Variants in PEAK1 observed in about 807,000 individuals in gnomAD.
The protein encoded by PEAK1 is pseudopodium enriched atypical kinase 1.
In PEAK1, 54 loss-of-function variants were observed where a neutral mutation model predicts 124.7. The ratio of observed to expected loss-of-function variants is 0.43; its 90% CI spans 0.35 to 0.54. The LOEUF (loss-of-function observed/expected upper bound fraction) is 0.54. Ranked by LOEUF, PEAK1 falls within the 20% of genes least tolerant of loss-of-function variation. The probability of loss-of-function intolerance (pLI) is 0.01; values close to 1 mark genes in which losing one functional copy is unlikely to be tolerated. For missense variants in PEAK1, 2,046 were observed against 2,134.5 expected (o/e 0.96, Z 0.82); for synonymous variants, 719 against 760.0 (o/e 0.95, Z 0.89).
In PEAK1 at chr15:77,384,669, TTAAG is replaced by T. The variant is rs138900426; in HGVS notation, c.-665-19448_-665-19445del. Among the ~76,000 whole-genome samples, 682 of 152,344 alleles carry T rather than the reference TTAAG, an allele frequency of 4.5e-3. 5 individuals carry two copies. The highest frequency in any genetic ancestry group is 0.016 in the African/African-American group (653 of 41,576). Reference sequence around the variant, plus strand: ...TTATATAAACCTTATTGACACCTTTTTAAGTTAGTATTCAAATTTGCCAGAAGTT... The same window carrying T: ...TTATATAAACCTTATTGACACCTTTTTTAGTATTCAAATTTGCCAGAAGTT... On this transcript the variant is annotated intron_variant, in intron 1 of 9. Coordinates refer to ENST00000682557, the MANE Select transcript of PEAK1 (RefSeq NM_001385026.1).
intron 2 of PEAK1, among the ~76,000 whole-genome samples, chr15:77,313,682 G>GTATATA (rs1567244747): frequency 2.1e-4 from 25 of 118,654 alleles, no homozygotes; most frequent in African/African-American, 9.6e-4. Flanking sequence ...GTGTGTGTGT[G>GTATATA]TGTGTGTGTG....
intron 2 of PEAK1, among the ~76,000 whole-genome samples, chr15:77,360,379 A>G (rs934149432): frequency 1.3e-5 from 2 of 152,226 alleles, no homozygotes; most frequent in African/African-American, 4.8e-5. Flanking sequence ...AAATAAGTAA[A>G]TAAATACTTT....
chr15:77,307,797 C>T (rs925653970), intron 2 of PEAK1, among the ~76,000 whole-genome samples: 1 of 152,052 alleles, frequency 6.6e-6, no homozygotes, highest in Non-Finnish European at 1.5e-5. Flanking sequence ...AGTCCAAGTA[C>T]TGGAAAAGAG....
At chr15:77,160,205 C>T (rs537329036) in intron 7 of PEAK1, among the ~76,000 whole-genome samples, 5 of 152,206 alleles carry the variant, frequency 3.3e-5, no homozygotes, top group South Asian at 2.1e-4. Context: ...TCTATCTCCA[C>T]GCATTAGGGA....
At chr15:77,384,051 A>G (rs1044872003) in intron 1 of PEAK1, among the ~76,000 whole-genome samples, 2 of 152,210 alleles carry the variant, frequency 1.3e-5, no homozygotes, top group Non-Finnish European at 2.9e-5. Context: ...TAAAAATGTA[A>G]GTGAATTCAA....
At chr15:77,158,408 G>T in intron 8 of PEAK1, 95 bp downstream of exon 8, 1 of 1,172,356 alleles carries the variant, frequency 8.5e-7, no homozygotes, top group Non-Finnish European at 1.2e-6. Flanking sequence ...CTGCTTCATG[G>T]AGCAATAAAA....
At chr15:77,228,353 G>A (rs1156891244) in intron 6 of PEAK1, among the ~76,000 whole-genome samples, 2 of 152,084 alleles carry the variant, frequency 1.3e-5, no homozygotes, top group African/African-American at 4.8e-5. Context: ...CCTGTTCTGG[G>A]TCCCTATGGG....
chr15:77,314,190 T>G (rs957149117), intron 2 of PEAK1, among the ~76,000 whole-genome samples: 24 of 152,156 alleles, frequency 1.6e-4, no homozygotes, highest in Non-Finnish European at 3.1e-4. Context: ...ATCATTGTAT[T>G]CTTTAAGAAC....
chr15:77,419,558 G>C (rs2073191124), intron 1 of PEAK1: 1 of 985,164 alleles, frequency 1.0e-6, no homozygotes, highest in Non-Finnish European at 1.2e-6. Flanking sequence ...GTGCGGGAGC[G>C]GGCTGACCGT....
chr15:77,253,158 A>G (rs1162188249), intron 5 of PEAK1, among the ~76,000 whole-genome samples: 2 of 150,178 alleles, frequency 1.3e-5, no homozygotes, highest in East Asian at 3.9e-4. Flanking sequence ...GTTATTGTAT[A>G]CTATATACAA....
chr15:77,180,941 C>T lies in PEAK1; in HGVS notation c.986G>A (p.Gly329Glu). Reference sequence around the variant, plus strand: ...CACCATGCTCTGAATGCTTCCTTGTCCATAAGAGACCACAGAATTTTCCTC... The same window carrying T: ...CACCATGCTCTGAATGCTTCCTTGTTCATAAGAGACCACAGAATTTTCCTC... ...GYEENSVVSY[G>E]QGSIQSMVSS... The change falls in exon 7 of 10, where the codon GGA (glycine) becomes GAA (glutamate). Residue 329 changes from glycine to glutamate, a missense_variant. Coordinates refer to ENST00000682557, the MANE Select transcript of PEAK1 (RefSeq NM_001385026.1). The T allele has an allele frequency of 1.2e-6, 2 of 1,614,116 alleles. No homozygotes were observed. The highest frequency in any genetic ancestry group is 1.7e-6 in the Non-Finnish European group (2 of 1,180,018).
rs144122748 is a variant in PEAK1, at chr15:77,333,279, C to T, written c.-603+31884G>A. 1,054 of 955,090 alleles carry T rather than the reference C, an allele frequency of 1.1e-3. 8 individuals carry two copies. In the African/African-American group the frequency reaches 0.017, roughly 15 times the overall value. The allele number at this position is 955,090 out of a possible 1,614,324, so 59.2% of individuals were successfully genotyped here. ...GGATTACAGGCACGAGCCACTGTGC[C>T]GGATTCAATCACTTTTTGTGTGTTA... On this transcript the variant is annotated intron_variant, in intron 2 of 9. Coordinates refer to ENST00000682557, the MANE Select transcript of PEAK1 (RefSeq NM_001385026.1).
At chr15:77,406,010 G>A (rs1231239971) in intron 1 of PEAK1, among the ~76,000 whole-genome samples, 1 of 152,144 alleles carries the variant, frequency 6.6e-6, no homozygotes, top group Non-Finnish European at 1.5e-5. Flanking sequence ...GCGTTTGTAT[G>A]GGAAGAGATA....
chr15:77,199,320 C>T (rs1465059718), intron 6 of PEAK1, among the ~76,000 whole-genome samples: 8 of 152,192 alleles, frequency 5.3e-5, no homozygotes, highest in Non-Finnish European at 1.2e-4. Flanking sequence ...ATGAGTTCAA[C>T]ACTGTAGATA....
chr15:77,235,468 T>C (rs2060079164), intron 6 of PEAK1, among the ~76,000 whole-genome samples: 1 of 152,188 alleles, frequency 6.6e-6, no homozygotes, highest in African/African-American at 2.4e-5. Flanking sequence ...ACGCCTGTCC[T>C]AGAGATCTGT....
chr15:77,141,812 C>T (rs2053810569), intron 8 of PEAK1, among the ~76,000 whole-genome samples: 1 of 151,902 alleles, frequency 6.6e-6, no homozygotes, highest in Non-Finnish European at 1.5e-5. Context: ...CTATTGAATC[C>T]CTACCTCACA....
chr15:77,396,314 T>A (rs2070883383), intron 1 of PEAK1, among the ~76,000 whole-genome samples: 1 of 149,436 alleles, frequency 6.7e-6, no homozygotes, highest in Non-Finnish European at 1.5e-5. Context: ...CAGAGAAAAA[T>A]CACCTTCACT....
intron 5 of PEAK1, among the ~76,000 whole-genome samples, chr15:77,264,675 C>A (rs2061621559): frequency 6.6e-6 from 1 of 152,182 alleles, no homozygotes; most frequent in Admixed American, 6.5e-5. Flanking sequence ...AATGGCCATA[C>A]TGCCCAAGGT....
chr15:77,220,520 C>CAAAAAAAAAAA, intron 6 of PEAK1, among the ~76,000 whole-genome samples: 1 of 76,818 alleles, frequency 1.3e-5, no homozygotes, highest in Non-Finnish European at 2.9e-5. Flanking sequence ...AGCTAAAATT[C>CAAAAAAAAAAA]AAAAAAAAAA....
Sources: gnomAD v4.1 joint callset for allele counts (sites outside exome capture counted in the v4.1 genomes callset) on GRCh38, gnomAD v4.1.1 for gene constraint, MANE v1.5 for transcripts, NCBI Gene and HGNC (gene_info 2026-07-23, HGNC 2026-07-21) for gene names.